The following OSBPL6 variants were observed in gnomAD, a reference collection of about 807,000 sequenced individuals.
OSBPL6 encodes the protein oxysterol binding protein like 6, also known as oxysterol-binding protein-related protein 6.
In OSBPL6, 49 loss-of-function variants were observed where a neutral mutation model predicts 125.8. The observed-to-expected ratio is 0.39, with a 90% CI of 0.31 to 0.49. The LOEUF (loss-of-function observed/expected upper bound fraction) is 0.49, where lower values mean the gene tolerates loss of function less well. OSBPL6 is among the 20% of genes least tolerant of loss of function. OSBPL6 has a pLI of 0.88. For synonymous variants in OSBPL6, 394 were observed against 391.8 expected, an observed-to-expected ratio of 1.01 and a Z score of -0.07; for missense variants, 986 against 1,135.4, an observed-to-expected ratio of 0.87 and a Z score of 1.89.
At chr2:178,298,000 T>C (rs1056871782) in intron 2 of OSBPL6, among the ~76,000 whole-genome samples, 2 of 152,334 alleles carry the variant, frequency 1.3e-5, no homozygotes, top group African/African-American at 4.8e-5. Context: ...CTGTAACCAC[T>C]AAACACAACT....
chr2:178,205,947 A>T (rs1218655623), intron 1 of OSBPL6, among the ~76,000 whole-genome samples: 4 of 152,206 alleles, frequency 2.6e-5, no homozygotes, highest in Non-Finnish European at 5.9e-5. Context: ...AAAAGTATTA[A>T]TTTTGCCTTT....
rs1694567993 is a variant in OSBPL6, at chr2:178,382,480, A to G, written c.1594A>G (p.Ser532Gly). 2 of 1,613,876 alleles carry G rather than the reference A, an allele frequency of 1.2e-6. No homozygotes were observed. Among genetic ancestry groups the G allele is most frequent in the South Asian group, 1.1e-5 (1 of 91,060 alleles). ...TGATAATATATCTGAAGACAACACCAGTGTTGCAGACAATATTTCTCGGCA... is the reference window on the plus strand; with the variant it reads ...TGATAATATATCTGAAGACAACACCGGTGTTGCAGACAATATTTCTCGGCA... ...VSDNISEDNT[S>G]VADNISRQIL... Residue 532 changes from serine (S) to glycine (G), a missense_variant, in exon 16 of 25, where the codon AGT (serine) becomes GGT (glycine). By Grantham distance (56) the Ser-to-Gly change is moderately conservative. Around this residue, in one of 3 missense-constraint regions of OSBPL6, gnomAD observed 843 missense variants for 997.3 expected, o/e 0.85. Coordinates refer to ENST00000190611, the MANE Select transcript of OSBPL6 (RefSeq NM_032523.4).
chr2:178,219,441 GTAT>G (rs1184850695), intron 1 of OSBPL6, among the ~76,000 whole-genome samples: 1 of 152,150 alleles, frequency 6.6e-6, no homozygotes, highest in Non-Finnish European at 1.5e-5. Context: ...TGGCCTAAGG[GTAT>G]TAGTTCCATA....
At chr2:178,360,904 A>G (rs1372421393) in intron 12 of OSBPL6, among the ~76,000 whole-genome samples, 1 of 152,216 alleles carries the variant, frequency 6.6e-6, no homozygotes, top group Non-Finnish European at 1.5e-5. Flanking sequence ...ACCTTTCTCA[A>G]ATAAGGAAAT....
At chr2:178,373,558 G>A (rs926983313) in intron 14 of OSBPL6, among the ~76,000 whole-genome samples, 16 of 152,124 alleles carry the variant, frequency 1.1e-4, no homozygotes, top group Non-Finnish European at 1.9e-4. Context: ...TTAATGTACC[G>A]TTAGAATATG....
chr2:178,284,187 T>C (rs1245680656), intron 1 of OSBPL6, among the ~76,000 whole-genome samples: 2 of 152,170 alleles, frequency 1.3e-5, no homozygotes, highest in African/African-American at 2.4e-5. Context: ...TGTTCATGCG[T>C]TTTTTTCAGG....
chr2:178,267,353 C>CAAAAAAAA (rs57444695), intron 1 of OSBPL6, among the ~76,000 whole-genome samples: 6 of 81,760 alleles, frequency 7.3e-5, no homozygotes, highest in Non-Finnish European at 9.3e-5. Flanking sequence ...AACTCCATCT[C>CAAAAAAAA]AAAAAAAAAA....
intron 1 of OSBPL6, among the ~76,000 whole-genome samples, chr2:178,240,543 G>A (rs900625907): frequency 9.9e-5 from 15 of 152,100 alleles, no homozygotes; most frequent in Non-Finnish European, 1.8e-4. Flanking sequence ...ACTGCATTCT[G>A]GGCGTCTCAA....
chr2:178,328,305 A>T lies in OSBPL6; in HGVS notation c.245A>T (p.Asn82Ile). The T allele has an allele frequency of 6.2e-7, 1 of 1,613,988 alleles. No homozygotes were observed. Among genetic ancestry groups the T allele is most frequent in the Non-Finnish European group, 8.5e-7 (1 of 1,179,874 alleles). ...IIEGLKIGQT[N>I]VQKPDKHEGF... ...GAAGGGCTGAAAATAGGCCAAACCA[A>T]TGTCCAGAAACCAGACAAACATGAG... The change falls in exon 5 of 25, where the codon AAT becomes ATT. Residue 82 changes from asparagine (N) to isoleucine (I), a missense_variant. Asn to Ile is a moderately radical substitution (Grantham distance 149). Around this residue, in one of 3 missense-constraint regions of OSBPL6, gnomAD observed 130 missense variants for 106.4 expected, o/e 1.22. Transcript: ENST00000190611.
At chr2:178,333,914 T>C (rs1183485674) in intron 8 of OSBPL6, among the ~76,000 whole-genome samples, 1 of 152,180 alleles carries the variant, frequency 6.6e-6, no homozygotes, top group Non-Finnish European at 1.5e-5. Flanking sequence ...TCAGAGACAG[T>C]AAAAAATTTG....
At chr2:178,347,637 C>T (rs1238493633) in intron 11 of OSBPL6, among the ~76,000 whole-genome samples, 2 of 152,168 alleles carry the variant, frequency 1.3e-5, no homozygotes, top group African/African-American at 4.8e-5. Flanking sequence ...TATTAAGTTA[C>T]CTGGACAGGA....
chr2:178,386,314 G>A (rs1199167307), intron 19 of OSBPL6, among the ~76,000 whole-genome samples: 1 of 152,126 alleles, frequency 6.6e-6, no homozygotes, highest in African/African-American at 2.4e-5. Context: ...GGAACCAGGT[G>A]GTTATCACAA....
At chr2:178,265,002 G>C (rs2092183904) in intron 1 of OSBPL6, among the ~76,000 whole-genome samples, 1 of 151,196 alleles carries the variant, frequency 6.6e-6, no homozygotes, top group African/African-American at 2.4e-5. Context: ...CAGTCCTCCT[G>C]CCTCAGCCTC....
chr2:178,241,262 C>T (rs113267140), intron 1 of OSBPL6, among the ~76,000 whole-genome samples: 10,963 of 151,694 alleles, frequency 0.072, 532 homozygotes, highest in Middle Eastern at 0.13. Context: ...TACAGGTGCA[C>T]GCCACCACGC....
chr2:178,376,669 TA>T (rs1693903073), intron 15 of OSBPL6, among the ~76,000 whole-genome samples: 1 of 152,190 alleles, frequency 6.6e-6, no homozygotes, highest in African/African-American at 2.4e-5. Flanking sequence ...CCTTAGCTAT[TA>T]AAACAAAGAC....
intron 1 of OSBPL6, among the ~76,000 whole-genome samples, chr2:178,266,703 A>C (rs1054073605): frequency 4.6e-5 from 7 of 152,226 alleles, no homozygotes; most frequent in African/African-American, 1.7e-4. Flanking sequence ...TGGCTTCAAG[A>C]ATCACTATGT....
At chr2:178,363,291 A>G (rs1559295955) in intron 13 of OSBPL6, among the ~76,000 whole-genome samples, 1 of 152,196 alleles carries the variant, frequency 6.6e-6, no homozygotes. Flanking sequence ...GAGATTAGAA[A>G]TAATTATGAA....
intron 1 of OSBPL6, among the ~76,000 whole-genome samples, chr2:178,248,176 G>A (rs989747772): frequency 5.9e-5 from 9 of 152,178 alleles, no homozygotes; most frequent in African/African-American, 1.9e-4. Flanking sequence ...AATATAAGAA[G>A]ACCATATTCT....
intron 5 of OSBPL6, among the ~76,000 whole-genome samples, chr2:178,329,110 G>A (rs1243192963): frequency 3.3e-5 from 5 of 152,078 alleles, no homozygotes; most frequent in Non-Finnish European, 5.9e-5. Flanking sequence ...CTATTGTGAT[G>A]TGATGAACAT....
Sources: allele counts gnomAD v4.1 joint callset (sites outside exome capture counted in the v4.1 genomes callset), GRCh38; gene constraint gnomAD v4.1.1; regional missense constraint gnomAD v4.1.1; transcripts MANE v1.5; gene names NCBI Gene and HGNC (gene_info 2026-07-23, HGNC 2026-07-21).